The following IFI44L variants were observed in gnomAD, a reference collection of about 807,000 sequenced individuals.
The protein encoded by IFI44L is interferon induced protein 44 like, also known as interferon-induced protein 44-like.
A neutral mutation model predicts 39.3 loss-of-function variants in IFI44L; 40 were observed. The ratio of observed to expected loss-of-function variants is 1.02; its 90% CI spans 0.79 to 1.33. The LOEUF is 1.33. Ranked by LOEUF, IFI44L falls within the 40% of genes most tolerant of loss-of-function variation. IFI44L has a pLI of 0.00. For synonymous variants in IFI44L, 198 were observed against 182.3 expected, an observed-to-expected ratio of 1.09 and a Z score of -0.69; for missense variants, 623 against 549.0, an observed-to-expected ratio of 1.13 and a Z score of -1.35.
intron 5 of IFI44L, chr1:78,635,972 T>G (rs1652936236): frequency 6.0e-6 from 1 of 165,414 alleles, no homozygotes; most frequent in Admixed American, 6.4e-5. Context: ...TCGGTCTTTT[T>G]TTTTTTTTTT....
chr1:78,644,507 T>C lies in IFI44L; in HGVS notation c.*2698T>C, dbSNP rs1647025499. On this transcript the variant is annotated 3_prime_UTR_variant, in exon 9 of 9. Transcript: ENST00000370751. Reference sequence around the variant, plus strand: ...GTTAAATACATATTTGAAATTTAGGTTAGGAAATATTGGTGAGGAGGCCTC... The same window carrying C: ...GTTAAATACATATTTGAAATTTAGGCTAGGAAATATTGGTGAGGAGGCCTC... 1 of 152,194 alleles carries C rather than the reference T, an allele frequency of 6.6e-6. No individual in the cohort carries two copies. 9.4% of individuals were successfully genotyped at this position (152,194 alleles called of 1,614,324 possible).
chr1:78,641,229 C>A, intron 7 of IFI44L, 108 bp downstream of exon 7: 2 of 910,338 alleles, frequency 2.2e-6, no homozygotes, highest in Non-Finnish European at 3.5e-6. Context: ...AGTGTATTTG[C>A]AGGGAAATGA....
rs143077503 is a variant in IFI44L, at chr1:78,628,091, A to T, written c.176A>T (p.Asn59Ile). 1 of 1,613,128 alleles carries T rather than the reference A, an allele frequency of 6.2e-7. No individual in the cohort carries two copies. Among genetic ancestry groups the T allele is most frequent in the Non-Finnish European group, 8.5e-7 (1 of 1,179,534 alleles). ...ATAACAATGGCTTACATTGATTACA[A>T]TATGATTGTAGCCTTTATGCTTGGA... is the stretch of plus-strand genomic sequence containing the variant. ...CTITMAYIDYNMIVAFMLGNY... is the reference protein window; with the variant it reads ...CTITMAYIDYIMIVAFMLGNY... The change falls in exon 2 of 9, where the codon AAT (asparagine) becomes ATT (isoleucine). Residue 59 changes from asparagine (N) to isoleucine (I), a missense_variant. By Grantham distance (149) the Asn-to-Ile change is moderately radical. Coordinates refer to ENST00000370751, the MANE Select transcript of IFI44L (RefSeq NM_006820.4).
rs1423704472 is a variant in IFI44L, at chr1:78,637,197, A to C, written c.1042A>C (p.Asn348His). 1 of 1,600,114 alleles carries C rather than the reference A, an allele frequency of 6.2e-7. No individual in the cohort carries two copies. Among genetic ancestry groups the C allele is most frequent in the African/African-American group, 1.4e-5 (1 of 73,800 alleles). ...KVKQVHKEVLNCGIAYVALLT... is the reference protein window; with the variant it reads ...KVKQVHKEVLHCGIAYVALLT... ...GAAGCAAGTTCACAAAGAAGTATTAAACTGTGGTGAGTCTCACTGAACTTA... is the reference window on the plus strand; with the variant it reads ...GAAGCAAGTTCACAAAGAAGTATTACACTGTGGTGAGTCTCACTGAACTTA... The change falls in exon 6 of 9, where the codon AAC becomes CAC. Residue 348 changes from asparagine (N) to histidine (H), a missense_variant. By Grantham distance (68) the Asn-to-His change is moderately conservative. Transcript: ENST00000370751.
rs951175780 is a variant in IFI44L at position 78,623,410 on chromosome 1, T to G, written c.-11+2839T>G. 7.7e-3 allele frequency among the ~76,000 whole-genome samples: 1,119 copies of G among 145,888 alleles called. 17 individuals are homozygous for G. The highest frequency in any genetic ancestry group is 0.022 in the African/African-American group (859 of 39,056). On this transcript the variant is annotated intron_variant, in intron 1 of 8. Transcript: ENST00000370751. ...AAGTGTTTTTTGTTTTTTTTTTTTT[T>G]TTTTTTTTTTTTTTTTAAATCATGG...
chr1:78,639,275 A>C (rs757555586), intron 6 of IFI44L, among the ~76,000 whole-genome samples: 1 of 152,064 alleles, frequency 6.6e-6, no homozygotes, highest in Non-Finnish European at 1.5e-5. Flanking sequence ...CTGGCTCCCT[A>C]CATTTTTTTC....
In IFI44L at chr1:78,629,762, C is replaced by T. The variant is rs908112864; in HGVS notation, c.570C>T (p.Pro190=). Residue 190 remains proline, a synonymous_variant, in exon 4 of 9, where the codon CCC becomes CCT. Transcript: ENST00000370751. ...RLLADIRDYR[P]YADLVSEIRI... ...TAGCAGACATCAGAGACTATAGGCCCTATGCAGACTTGGTTTCAGAAATTC... is the reference window on the plus strand; with the variant it reads ...TAGCAGACATCAGAGACTATAGGCCTTATGCAGACTTGGTTTCAGAAATTC... 1 of 1,613,690 alleles carries T rather than the reference C, an allele frequency of 6.2e-7. No individual in the cohort carries two copies. Among genetic ancestry groups the T allele is most frequent in the Non-Finnish European group, 8.5e-7 (1 of 1,179,754 alleles).
At chr1:78,628,874 T>C in intron 2 of IFI44L, 77 bp from the exon 3 acceptor site, 1 of 979,672 alleles carries the variant, frequency 1.0e-6, no homozygotes. Context: ...ACTCCATGTC[T>C]TATTTCAAAA....
At chr1:78,640,079 G>A (rs1339077074) in intron 6 of IFI44L, among the ~76,000 whole-genome samples, 3 of 152,026 alleles carry the variant, frequency 2.0e-5, no homozygotes, top group Non-Finnish European at 2.9e-5. Flanking sequence ...GCTTATATAA[G>A]TACTTAACAG....
chr1:78,624,012 T>G (rs1380132249), intron 1 of IFI44L, among the ~76,000 whole-genome samples: 1 of 152,150 alleles, frequency 6.6e-6, no homozygotes, highest in Non-Finnish European at 1.5e-5. Context: ...TTTTTTCCTT[T>G]CTTTTCTTTT....
chr1:78,628,560 G>C, intron 2 of IFI44L, 167 bp downstream of exon 2: 3 of 590,564 alleles, frequency 5.1e-6, no homozygotes, highest in Non-Finnish European at 8.8e-6. Flanking sequence ...AGGATTATGA[G>C]GTTTTTATCC....
At chr1:78,622,590 G>A (rs550723703) in intron 1 of IFI44L, among the ~76,000 whole-genome samples, 17 of 152,070 alleles carry the variant, frequency 1.1e-4, no homozygotes, top group African/African-American at 4.1e-4. Context: ...GATGGAAACT[G>A]TGACTTAACG....
chr1:78,629,791 T>C lies in IFI44L; in HGVS notation c.599T>C (p.Ile200Thr). The change falls in exon 4 of 9, where the codon ATT becomes ACT. Residue 200 changes from isoleucine (I) to threonine (T), a missense_variant. Coordinates refer to ENST00000370751, the MANE Select transcript of IFI44L (RefSeq NM_006820.4). The stretch of plus-strand genomic sequence containing the variant: ...GCAGACTTGGTTTCAGAAATTCGTA[T>C]TCTTTTGGTGGGTCCAGTTGGGTCT... ...PYADLVSEIRILLVGPVGSGK... is the reference protein window; with the variant it reads ...PYADLVSEIRTLLVGPVGSGK... 1 of 1,613,816 alleles carries C rather than the reference T, an allele frequency of 6.2e-7. No homozygotes were observed. Among genetic ancestry groups the C allele is most frequent in the Non-Finnish European group, 8.5e-7 (1 of 1,179,792 alleles).
intron 1 of IFI44L, chr1:78,627,648 T>A: frequency 4.1e-6 from 1 of 243,558 alleles, no homozygotes; most frequent in Non-Finnish European, 7.7e-6. Flanking sequence ...TATTGAGATT[T>A]ATTTTTCCTT....
chr1:78,641,972 G>C lies in IFI44L; in HGVS notation c.*163G>C, dbSNP rs1341683948. ...GTTCAAAGGCCAAAACCTGAGAAGC[G>C]GTGGGCTAAGATAGGTCCTACTGCA... On this transcript the variant is annotated 3_prime_UTR_variant, in exon 9 of 9. Transcript: ENST00000370751. 4 of 765,112 alleles carry C rather than the reference G, an allele frequency of 5.2e-6. No homozygotes were observed. Among genetic ancestry groups the C allele is most frequent in the Non-Finnish European group, 9.3e-6 (4 of 431,262 alleles). The allele number at this position is 765,112 out of a possible 1,614,324, so 47.4% of individuals were successfully genotyped here.
In IFI44L at chr1:78,635,354, T is replaced by A. The variant is rs752903053; in HGVS notation, c.741T>A (p.Val247=). The part of the protein sequence containing the change: ...SITERYRIYS[V]KDGKNGKSLP... ...TTTAACAGTATAGGATATATTCTGT[T>A]AAAGATGGAAAAAATGGAAAATCTC... The change falls in exon 5 of 9, where the codon GTT becomes GTA. Residue 247 remains valine, a synonymous_variant. Transcript: ENST00000370751. 2.5e-6 allele frequency: 4 copies of A among 1,607,034 alleles called. No homozygotes were observed. The South Asian group carries it at 4.4e-5, about 18-fold the overall frequency.
intron 1 of IFI44L, chr1:78,625,633 T>C (rs1652456522): frequency 6.6e-6 from 1 of 152,046 alleles, no homozygotes; most frequent in Non-Finnish European, 1.5e-5. Flanking sequence ...TCCATTAATA[T>C]TTCTGTCCAT....
At chr1:78,623,040 AATAG>A (rs1478370339) in intron 1 of IFI44L, among the ~76,000 whole-genome samples, 3 of 152,260 alleles carry the variant, frequency 2.0e-5, no homozygotes, top group Non-Finnish European at 4.4e-5. Flanking sequence ...GCTATGCAGC[AATAG>A]ATAAATAGCA....
rs1647025573 is a variant in IFI44L, at chr1:78,644,518, T to C, written c.*2709T>C. 6.6e-6 allele frequency: 1 copy of C among 152,132 alleles called. No individual in the cohort carries two copies. Among genetic ancestry groups the C allele is most frequent in the African/African-American group, 2.4e-5 (1 of 41,426 alleles). The allele number at this position is 152,132 out of a possible 1,614,324, so 9.4% of individuals were successfully genotyped here. A position where few individuals can be genotyped will look rare whatever the true frequency, so the allele number is the denominator to read the frequency against. On this transcript the variant is annotated 3_prime_UTR_variant, in exon 9 of 9. Transcript: ENST00000370751. ...ATTTGAAATTTAGGTTAGGAAATATTGGTGAGGAGGCCTCAAAAAGGGGGA... is the reference window on the plus strand; with the variant it reads ...ATTTGAAATTTAGGTTAGGAAATATCGGTGAGGAGGCCTCAAAAAGGGGGA...
Sources: gnomAD v4.1 joint callset for allele counts (sites outside exome capture counted in the v4.1 genomes callset) on GRCh38, gnomAD v4.1.1 for gene constraint, MANE v1.5 for transcripts, NCBI Gene and HGNC (gene_info 2026-07-23, HGNC 2026-07-21) for gene names.